Variants in NUP155 observed in about 807,000 individuals in gnomAD.
The protein encoded by NUP155 is nuclear pore complex protein Nup155.
In NUP155, 71 loss-of-function variants were observed where a neutral mutation model predicts 180.4. The ratio of observed to expected loss-of-function variants is 0.39; its 90% CI spans 0.33 to 0.48. NUP155 has a LOEUF of 0.48. NUP155 is among the 20% of genes least tolerant of loss of function. The pLI is 0.91. For synonymous variants in NUP155, 582 were observed against 559.5 expected (o/e 1.04, Z -0.57); for missense variants, 1,553 against 1,648.9 (o/e 0.94, Z 1.01).
chr5:37,337,992 G>C lies in NUP155; in HGVS notation c.1247-74C>G, dbSNP rs936856211. ...CCTCAATAACCTTAATAATTATTAGGTTAGTGCAAAAGCAATTGCGGTTTT... is the reference window on the plus strand; with the variant it reads ...CCTCAATAACCTTAATAATTATTAGCTTAGTGCAAAAGCAATTGCGGTTTT... On this transcript the variant is annotated intron_variant, in intron 11 of 34. Transcript: ENST00000231498. 9 of 983,234 alleles carry C rather than the reference G, an allele frequency of 9.2e-6. No individual in the cohort carries two copies. In the Admixed American group the frequency reaches 1.2e-4, roughly 13 times the overall value. 60.9% of individuals were successfully genotyped at this position (983,234 alleles called of 1,614,324 possible).
Position 37,332,055 on chromosome 5 carries a change from T to C in NUP155, c.1519-260A>G, listed in dbSNP as rs1744998398. Among the ~76,000 whole-genome samples, 3 of 151,534 alleles carry C rather than the reference T, an allele frequency of 2.0e-5. No individual in the cohort carries two copies. The South Asian group carries it at 6.2e-4, about 31-fold the overall frequency. On this transcript the variant is annotated intron_variant, in intron 13 of 34. Transcript: ENST00000231498. ...CTCTACTCAACCTCCAGTAGATCTA[T>C]ATATCTATAAAGAAAACTTAATGCA... is the stretch of plus-strand genomic sequence containing the variant.
Position 37,371,084 on chromosome 5 carries a change from AACGAGCGCCTT to A in NUP155, c.-118_-108del, listed in dbSNP as rs1747943246. Reference sequence around the variant, plus strand: ...TCCGCCGCCTAGGGCGCGCGCGCCAAACGAGCGCCTTGGCGCCTCGACATGACGCACTTCCG... The same window carrying A: ...TCCGCCGCCTAGGGCGCGCGCGCCAAGGCGCCTCGACATGACGCACTTCCG... On this transcript the variant is annotated 5_prime_UTR_variant, in exon 1 of 35. Transcript: ENST00000231498. 8.5e-6 allele frequency: 10 copies of A among 1,183,410 alleles called. No homozygotes were observed. The Admixed American group carries it at 1.4e-4, about 17-fold the overall frequency. 73.3% of individuals were successfully genotyped at this position (1,183,410 alleles called of 1,614,324 possible).
In NUP155 at chr5:37,364,975, T is replaced by C. The variant is rs377304195; in HGVS notation, c.158-591A>G. ...TTGATAATTTAGTGTTATTTTAAAATAAAAGTGGCTGGGCGCAGTGGCTCA... is the reference window on the plus strand; with the variant it reads ...TTGATAATTTAGTGTTATTTTAAAACAAAAGTGGCTGGGCGCAGTGGCTCA... On this transcript the variant is annotated intron_variant, in intron 1 of 34. Coordinates refer to ENST00000231498, the MANE Select transcript of NUP155 (RefSeq NM_153485.3). 4.0e-5 allele frequency among the ~76,000 whole-genome samples: 6 copies of C among 151,624 alleles called. No homozygotes were observed. In the East Asian group the frequency reaches 1.2e-3, roughly 30 times the overall value.
intron 22 of NUP155, among the ~76,000 whole-genome samples, chr5:37,313,649 T>C (rs1277305759): frequency 6.6e-6 from 1 of 152,010 alleles, no homozygotes; most frequent in East Asian, 1.9e-4. Flanking sequence ...TACAGGCATG[T>C]GCCACCACAC....
chr5:37,358,070 T>C lies in NUP155; in HGVS notation c.463+11A>G, dbSNP rs764241745. ...CAAACATAATCTCTTCCTTATAGTT[T>C]TATTTCTTACCTGCTTTTGGCTTCA... On this transcript the variant is annotated intron_variant, in intron 4 of 34. Transcript: ENST00000231498. The C allele has an allele frequency of 1.9e-6, 3 of 1,591,582 alleles. No homozygotes were observed. In the Admixed American group the frequency reaches 5.0e-5, roughly 27 times the overall value.
At position 37,350,193 on chromosome 5, in the gene NUP155, G is replaced by T. The variant is rs1746365174; in HGVS notation, c.796C>A (p.Pro266Thr). The change falls in exon 7 of 35, where the codon CCT becomes ACT. Residue 266 changes from proline to threonine, a missense_variant. Coordinates refer to ENST00000231498, the MANE Select transcript of NUP155 (RefSeq NM_153485.3). ...HSKSSLSFLV[P>T]SLLQFTFSED... ...GAGAACGTGAATTGTAGCAAGGAAGGAACAAGGAAAGAAAGTGAGCTCTTT... is the reference window on the plus strand; with the variant it reads ...GAGAACGTGAATTGTAGCAAGGAAGTAACAAGGAAAGAAAGTGAGCTCTTT... 1 of 1,613,810 alleles carries T rather than the reference G, an allele frequency of 6.2e-7. No homozygotes were observed. The highest frequency in any genetic ancestry group is 2.2e-5 in the East Asian group (1 of 44,818).
At chr5:37,352,968 A>C in intron 4 of NUP155, 139 bp from the exon 5 acceptor site, 1 of 621,980 alleles carries the variant, frequency 1.6e-6, no homozygotes. Flanking sequence ...TTCTGTTGTT[A>C]AAAATATTAT....
chr5:37,330,264 A>C (rs1744872030), intron 14 of NUP155, 132 bp from the exon 15 acceptor site: 2 of 690,170 alleles, frequency 2.9e-6, no homozygotes, highest in African/African-American at 1.8e-5. Flanking sequence ...TGACTGAATG[A>C]AATCAGTTAG....
intron 11 of NUP155, among the ~76,000 whole-genome samples, chr5:37,340,840 T>C (rs917234595): frequency 6.6e-6 from 1 of 152,180 alleles, no homozygotes; most frequent in African/African-American, 2.4e-5. Context: ...AGGAGGTATA[T>C]GTGCAAATCT....
chr5:37,357,435 C>CA (rs1208368818), intron 4 of NUP155, among the ~76,000 whole-genome samples: 22 of 95,546 alleles, frequency 2.3e-4, no homozygotes, highest in Admixed American at 7.4e-4. Context: ...AAGAGAAAGA[C>CA]AGACTAATAA....
intron 12 of NUP155, among the ~76,000 whole-genome samples, chr5:37,336,692 C>G (rs981068202): frequency 2.0e-5 from 3 of 152,118 alleles, no homozygotes; most frequent in African/African-American, 7.2e-5. Context: ...CAGCACTAGG[C>G]TGGTAGTACA....
Position 37,326,343 on chromosome 5 carries a change from C to T in NUP155, c.2025-376G>A, listed in dbSNP as rs549522653. Among the ~76,000 whole-genome samples, 3 of 152,250 alleles carry T rather than the reference C, an allele frequency of 2.0e-5. No individual in the cohort carries two copies. The South Asian group carries it at 6.2e-4, about 32-fold the overall frequency. ...TAGCTAACTAAGATAACATGATAGA[C>T]TGATTGCAAAAACAACCACATTTCT... is the stretch of plus-strand genomic sequence containing the variant. On this transcript the variant is annotated intron_variant, in intron 18 of 34. Coordinates refer to ENST00000231498, the MANE Select transcript of NUP155 (RefSeq NM_153485.3).
intron 3 of NUP155, 120 bp downstream of exon 3, chr5:37,363,768 C>T (rs1341244067): frequency 1.4e-6 from 1 of 721,454 alleles, no homozygotes; most frequent in Non-Finnish European, 2.5e-6. Context: ...CTGAGAAGCA[C>T]TGACCCAAAG....
At chr5:37,358,234 T>G (rs1746974028) in intron 3 of NUP155, 83 bp from the exon 4 acceptor site, 1 of 975,018 alleles carries the variant, frequency 1.0e-6, no homozygotes, top group Non-Finnish European at 1.6e-6. Context: ...ATCCCAGTAC[T>G]TTGGGAGTCT....
chr5:37,342,189 C>T (rs1413306674), intron 10 of NUP155, among the ~76,000 whole-genome samples: 2 of 152,124 alleles, frequency 1.3e-5, no homozygotes, highest in Admixed American at 1.3e-4. Context: ...CAAGGCCGTG[C>T]CATCACACCT....
Position 37,329,207 on chromosome 5 carries a change from C to T in NUP155, c.1796G>A (p.Gly599Glu), listed in dbSNP as rs35326419. 1.4e-5 allele frequency: 23 copies of T among 1,613,080 alleles called. No individual in the cohort carries two copies. The African/African-American group carries it at 2.9e-4, about 21-fold the overall frequency. ...PPPSNVGPIL[G>E]SPVYSSSPVP... ...ATACTCACTAGAATAGACAGGAGAC[C>T]CCAAGATGGGACCAACATTACTTGG... The change falls in exon 16 of 35, where the codon GGG (glycine) becomes GAG (glutamate). Residue 599 changes from glycine (G) to glutamate (E), a missense_variant. Coordinates refer to ENST00000231498, the MANE Select transcript of NUP155 (RefSeq NM_153485.3).
intron 5 of NUP155, 22 bp downstream of exon 5, chr5:37,352,715 G>T: frequency 5.9e-6 from 9 of 1,517,650 alleles, no homozygotes; most frequent in Non-Finnish European, 8.2e-6. Context: ...TTTAAAAAAC[G>T]TTAACATGTG....
chr5:37,368,443 G>A (rs770766656), intron 1 of NUP155, among the ~76,000 whole-genome samples: 25 of 151,726 alleles, frequency 1.6e-4, no homozygotes, highest in Admixed American at 3.9e-4. Context: ...ATATTGCCAA[G>A]ACTGGTCTCA....
At chr5:37,293,474 G>A (rs1742340136) in intron 33 of NUP155, among the ~76,000 whole-genome samples, 1 of 152,144 alleles carries the variant, frequency 6.6e-6, no homozygotes, top group African/African-American at 2.4e-5. Flanking sequence ...AGATACTACA[G>A]TTACCTGCTC....
Sources: gnomAD v4.1 joint callset for allele counts (sites outside exome capture counted in the v4.1 genomes callset) on GRCh38, gnomAD v4.1.1 for gene constraint, MANE v1.5 for transcripts, NCBI Gene and HGNC (gene_info 2026-07-23, HGNC 2026-07-21) for gene names.